RBM17: variants seen among roughly 807,000 people sequenced by gnomAD.
RBM17 encodes the protein RNA binding motif protein 17, also known as splicing factor 45.
In RBM17, 7 loss-of-function variants were observed where a neutral mutation model predicts 53.2. That is an observed-to-expected ratio of 0.13 (90% CI 0.07 to 0.25). The LOEUF is 0.25. RBM17 is among the 10% of genes least tolerant of loss of function. RBM17 has a pLI of 1.00. For missense variants in RBM17, 257 were observed against 496.7 expected, an observed-to-expected ratio of 0.52 and a Z score of 4.59; for synonymous variants, 167 against 178.1, an observed-to-expected ratio of 0.94 and a Z score of 0.50.
intron 7 of RBM17, among the ~76,000 whole-genome samples, chr10:6,111,907 A>G (rs1325354100): frequency 6.6e-6 from 1 of 152,198 alleles, no homozygotes; most frequent in Admixed American, 6.5e-5. Flanking sequence ...GCAGGTCCGG[A>G]GCACACAAAA....
Position 6,113,808 on chromosome 10 carries a change from G to T in RBM17, c.930+227G>T, listed in dbSNP as rs534381495. 2.9e-4 allele frequency: 172 copies of T among 583,360 alleles called. No individual in the cohort carries two copies. In the African/African-American group the frequency reaches 3.1e-3, roughly 10 times the overall value. The allele number at this position is 583,360 out of a possible 1,614,324, so 36.1% of individuals were successfully genotyped here. ...AGTAATTAAATATTTGAAATTGCTAGAGCTTCAGATAGTTTATACATTTTG... is the reference window on the plus strand; with the variant it reads ...AGTAATTAAATATTTGAAATTGCTATAGCTTCAGATAGTTTATACATTTTG... On this transcript the variant is annotated intron_variant, in intron 9 of 11. Transcript: ENST00000379888.
At chr10:6,102,449 G>GCTT (rs1840682091) in intron 3 of RBM17, among the ~76,000 whole-genome samples, 1 of 152,158 alleles carries the variant, frequency 6.6e-6, no homozygotes, top group Non-Finnish European at 1.5e-5. Flanking sequence ...GTTCCTGAGG[G>GCTT]CTGGTAGTTC....
intron 6 of RBM17, 74 bp downstream of exon 6, chr10:6,108,816 G>T (rs1301732755): frequency 1.6e-6 from 2 of 1,212,406 alleles, no homozygotes; most frequent in Non-Finnish European, 2.4e-6. Flanking sequence ...CTCAGCTTGG[G>T]CCCCCAGGTT....
Position 6,089,953 on chromosome 10 carries a change from C to G in RBM17, c.-19+760C>G. The G allele has an allele frequency of 6.6e-6, 1 of 152,124 alleles. No individual in the cohort carries two copies. Among genetic ancestry groups the G allele is most frequent in the African/African-American group, 2.4e-5 (1 of 41,402 alleles). 9.4% of individuals were successfully genotyped at this position (152,124 alleles called of 1,614,324 possible). On this transcript the variant is annotated intron_variant, in intron 1 of 11. Transcript: ENST00000379888. This position sits in a 1 kb window ranked among gnomAD's most constrained non-coding sequence, Gnocchi z 5.6. ...ACCTCTCTTGAGAGAGGAGGTCATG[C>G]TTATGTTGAGTCTTGAAGGTACGTT...
chr10:6,112,949 A>G lies in RBM17; in HGVS notation c.857-559A>G, dbSNP rs1384133585. ...AGGAAAGAGACAAACATATGTTAGC[A>G]TTTTAATCAGGGAATTAAGTTTGAG... is the stretch of plus-strand genomic sequence containing the variant. On this transcript the variant is annotated intron_variant, in intron 8 of 11. Coordinates refer to ENST00000379888, the MANE Select transcript of RBM17 (RefSeq NM_032905.5). This position sits in a 1 kb window ranked among gnomAD's most constrained non-coding sequence, Gnocchi z 4.4. 1 of 167,870 alleles carries G rather than the reference A, an allele frequency of 6.0e-6. No homozygotes were observed. The highest frequency in any genetic ancestry group is 1.3e-5 in the Non-Finnish European group (1 of 75,924). 10.4% of individuals were successfully genotyped at this position (167,870 alleles called of 1,614,324 possible). A position where few individuals can be genotyped will look rare whatever the true frequency, so the allele number is the denominator to read the frequency against.
intron 2 of RBM17, 78 bp from the exon 3 acceptor site, chr10:6,101,193 A>C (rs1291113424): frequency 2.4e-6 from 2 of 847,660 alleles, no homozygotes; most frequent in African/African-American, 3.5e-5. Flanking sequence ...CAGGGACCAG[A>C]AAGAAAATCT....
intron 2 of RBM17, among the ~76,000 whole-genome samples, chr10:6,097,564 G>A (rs1261749000): frequency 1.3e-5 from 2 of 152,326 alleles, no homozygotes; most frequent in Non-Finnish European, 1.5e-5. Context: ...CCAGCTACTC[G>A]GGAGGCTGAG....
At chr10:6,099,673 T>G (rs1840641402) in intron 2 of RBM17, among the ~76,000 whole-genome samples, 1 of 152,224 alleles carries the variant, frequency 6.6e-6, no homozygotes. Flanking sequence ...ATTGTTTTAT[T>G]TTCTTAATAT....
rs188088889 is a variant in RBM17 at position 6,095,475 on chromosome 10, A to G, written c.-18-1573A>G. Among the ~76,000 whole-genome samples the G allele has an allele frequency of 6.2e-3, 950 of 152,110 alleles. 6 individuals carry two copies. Among genetic ancestry groups the G allele is most frequent in the Non-Finnish European group, 9.7e-3 (659 of 67,974 alleles). On this transcript the variant is annotated intron_variant, in intron 1 of 11. Transcript: ENST00000379888. Reference sequence around the variant, plus strand: ...GTGATCCGCCCACCTATGCCTCCCAAAGTGCTGGGATTACAGGCGTGAGCC... The same window carrying G: ...GTGATCCGCCCACCTATGCCTCCCAGAGTGCTGGGATTACAGGCGTGAGCC...
At chr10:6,100,328 G>A (rs955109328) in intron 2 of RBM17, among the ~76,000 whole-genome samples, 4 of 152,216 alleles carry the variant, frequency 2.6e-5, no homozygotes, top group African/African-American at 9.6e-5. Context: ...TAGCATTGCT[G>A]TTAGACGGCC....
chr10:6,108,602 G>A lies in RBM17; in HGVS notation c.506-84G>A, dbSNP rs573430153. ...TTTTTAGTTTTTTCTTAGGGGGGTGGGTGATAGATATATGGTGTGTCATAG... is the reference window on the plus strand; with the variant it reads ...TTTTTAGTTTTTTCTTAGGGGGGTGAGTGATAGATATATGGTGTGTCATAG... On this transcript the variant is annotated intron_variant, in intron 5 of 11. Transcript: ENST00000379888. 2.2e-5 allele frequency: 23 copies of A among 1,037,146 alleles called. No individual in the cohort carries two copies. The African/African-American group carries it at 2.8e-4, about 12-fold the overall frequency. The allele number at this position is 1,037,146 out of a possible 1,614,324, so 64.2% of individuals were successfully genotyped here. A position where few individuals can be genotyped will look rare whatever the true frequency, so the allele number is the denominator to read the frequency against.
intron 2 of RBM17, 81 bp from the exon 3 acceptor site, chr10:6,101,190 C>A (rs866835697): frequency 2.5e-6 from 2 of 793,302 alleles, no homozygotes; most frequent in Admixed American, 3.2e-5. Context: ...TTGCAGGGAC[C>A]AGAAAGAAAA....
intron 1 of RBM17, among the ~76,000 whole-genome samples, chr10:6,091,974 A>G (rs1017198395): frequency 6.6e-6 from 1 of 152,168 alleles, no homozygotes; most frequent in Non-Finnish European, 1.5e-5. Context: ...CCAGTTGCAC[A>G]TGTTTTAAAA....
At chr10:6,098,189 A>G (rs979364247) in intron 2 of RBM17, among the ~76,000 whole-genome samples, 7 of 152,218 alleles carry the variant, frequency 4.6e-5, no homozygotes, top group African/African-American at 1.4e-4. Flanking sequence ...AATGGAGGCT[A>G]TATCCCCCCA....
At chr10:6,092,215 A>G (rs1274566388) in intron 1 of RBM17, among the ~76,000 whole-genome samples, 3 of 152,226 alleles carry the variant, frequency 2.0e-5, no homozygotes, top group Non-Finnish European at 4.4e-5. Flanking sequence ...AGTTGTTACA[A>G]AGTACAGCTT....
Position 6,116,480 on chromosome 10 carries a change from A to C in RBM17, c.*924A>C, listed in dbSNP as rs1484965888. The C allele has an allele frequency of 1.3e-5, 2 of 152,398 alleles. No individual in the cohort carries two copies. The highest frequency in any genetic ancestry group is 4.8e-5 in the African/African-American group (2 of 41,472). The allele number at this position is 152,398 out of a possible 1,614,324, so 9.4% of individuals were successfully genotyped here. A position where few individuals can be genotyped will look rare whatever the true frequency, so the allele number is the denominator to read the frequency against. On this transcript the variant is annotated 3_prime_UTR_variant, in exon 12 of 12. Coordinates refer to ENST00000379888, the MANE Select transcript of RBM17 (RefSeq NM_032905.5). ...TTCTGGAATTGTGAGAAATTGTATC[A>C]TTGAAGTTCAGTAGGATGTGTGGCT...
intron 2 of RBM17, among the ~76,000 whole-genome samples, chr10:6,099,710 C>T (rs1396200650): frequency 6.6e-6 from 1 of 151,870 alleles, no homozygotes; most frequent in Non-Finnish European, 1.5e-5. Flanking sequence ...GATGTGGAAC[C>T]TGTAGATACA....
Position 6,116,970 on chromosome 10 carries a change from C to T in RBM17, c.*1414C>T, listed in dbSNP as rs1257843980. On this transcript the variant is annotated 3_prime_UTR_variant, in exon 12 of 12. Coordinates refer to ENST00000379888, the MANE Select transcript of RBM17 (RefSeq NM_032905.5). ...TGTGGAAGACAGAATCAAAAGCAGC[C>T]CTGGAACTTCAGTTATCTATGGAAT... 6.6e-6 allele frequency: 1 copy of T among 152,110 alleles called. No individual in the cohort carries two copies. Among genetic ancestry groups the T allele is most frequent in the Non-Finnish European group, 1.5e-5 (1 of 68,000 alleles). The allele number at this position is 152,110 out of a possible 1,614,324, so 9.4% of individuals were successfully genotyped here.
intron 2 of RBM17, among the ~76,000 whole-genome samples, chr10:6,098,176 C>T (rs947374361): frequency 6.6e-6 from 1 of 152,074 alleles, no homozygotes; most frequent in African/African-American, 2.4e-5. Context: ...AGTATGCATT[C>T]GTAATGGAGG....
Sources: gnomAD v4.1 joint callset for allele counts (sites outside exome capture counted in the v4.1 genomes callset) on GRCh38, gnomAD v4.1.1 for gene constraint, Gnocchi (gnomAD v3.1) non-coding constraint, MANE v1.5 for transcripts, NCBI Gene and HGNC (gene_info 2026-07-23, HGNC 2026-07-21) for gene names.